TANK: variants seen among roughly 807,000 people sequenced by gnomAD.
TANK encodes the protein TRAF family member-associated NF-kappa-B activator.
TANK carries 15 observed loss-of-function variants against 43.6 expected under a neutral mutation model. The ratio of observed to expected loss-of-function variants is 0.34; its 90% confidence interval spans 0.23 to 0.53. TANK has a LOEUF of 0.53. Ranked by LOEUF, TANK falls within the 20% of genes least tolerant of loss-of-function variation. The probability of loss-of-function intolerance (pLI) is 0.94; values close to 1 mark genes in which losing one functional copy is unlikely to be tolerated. For missense variants in TANK, 417 were observed against 498.6 expected, an observed-to-expected ratio of 0.84 and a Z score of 1.56; for synonymous variants, 162 against 178.2, an observed-to-expected ratio of 0.91 and a Z score of 0.73.
intron 2 of TANK, among the ~76,000 whole-genome samples, chr2:161,189,324 A>G (rs1574008641): frequency 6.6e-6 from 1 of 152,328 alleles, no homozygotes; most frequent in South Asian, 2.1e-4. Context: ...CAGAAAAAGC[A>G]TTTGATAAAA....
intron 1 of TANK, among the ~76,000 whole-genome samples, chr2:161,152,796 A>G (rs534766414): frequency 5.9e-5 from 9 of 152,340 alleles, no homozygotes; most frequent in African/African-American, 1.4e-4. Context: ...AGGTCTAGAT[A>G]TTGGACTTAC....
chr2:161,148,608 C>G (rs993361446), intron 1 of TANK, among the ~76,000 whole-genome samples: 1 of 152,144 alleles, frequency 6.6e-6, no homozygotes, highest in African/African-American at 2.4e-5. Context: ...GTCATGATGA[C>G]TTACCCACTT....
chr2:161,211,088 C>G (rs758694324), intron 4 of TANK, among the ~76,000 whole-genome samples: 1 of 152,190 alleles, frequency 6.6e-6, no homozygotes, highest in Non-Finnish European at 1.5e-5. Flanking sequence ...AAAGTGCTTT[C>G]TACCTTTTTC....
upstream of TANK, chr2:161,156,346 G>T: frequency 1.0e-6 from 1 of 985,354 alleles, no homozygotes; most frequent in Non-Finnish European, 1.2e-6. Context: ...TGTCCTTACA[G>T]ACTTAACTTA....
chr2:161,148,057 G>T (rs1019982053), intron 1 of TANK, among the ~76,000 whole-genome samples: 3 of 152,126 alleles, frequency 2.0e-5, no homozygotes, highest in African/African-American at 7.2e-5. Flanking sequence ...GAATTCTGGG[G>T]TCATTTGGTA....
rs1687518607 is a variant in TANK, at chr2:161,224,612, T to A, written c.405-19T>A. 7.9e-7 allele frequency: 1 copy of A among 1,263,296 alleles called. No homozygotes were observed. Among genetic ancestry groups the A allele is most frequent in the African/African-American group, 1.5e-5 (1 of 65,752 alleles). The allele number at this position is 1,263,296 out of a possible 1,614,324, so 78.3% of individuals were successfully genotyped here. ...GAAGTTATAGCTTTACATTTTAAAA[T>A]GTTGATTTTTTTTTTTAGGGGTAAT... On this transcript the variant is annotated intron_variant, in intron 5 of 7. Coordinates refer to ENST00000392749, the MANE Select transcript of TANK (RefSeq NM_001199135.3).
intron 5 of TANK, among the ~76,000 whole-genome samples, 162 bp from the exon 6 acceptor site, chr2:161,224,469 C>T (rs1687507435): frequency 6.6e-6 from 1 of 151,966 alleles, no homozygotes; most frequent in Non-Finnish European, 1.5e-5. Flanking sequence ...CCTCTACAAA[C>T]ACAAGCTGAT....
At chr2:161,213,814 G>A (rs10930013) in intron 4 of TANK, among the ~76,000 whole-genome samples, 65,152 of 151,372 alleles carry the variant, frequency 0.43, 14,703 homozygotes, top group Admixed American at 0.55. Context: ...CTTTGATACT[G>A]CACTAAAACT....
intron 2 of TANK, chr2:161,200,630 A>G (rs1686361753): frequency 1.3e-6 from 1 of 782,864 alleles, no homozygotes; most frequent in Non-Finnish European, 1.5e-6. Context: ...ATCTTCAAAC[A>G]TTACCTATCT....
intron 1 of TANK, chr2:161,140,006 C>T: frequency 2.4e-6 from 2 of 819,840 alleles, no homozygotes; most frequent in Non-Finnish European, 2.9e-6. Flanking sequence ...TATTCATATT[C>T]AAAACTAGAA....
intron 4 of TANK, among the ~76,000 whole-genome samples, chr2:161,218,201 C>T (rs780935777): frequency 3.3e-5 from 5 of 152,146 alleles, no homozygotes; most frequent in Non-Finnish European, 7.3e-5. Flanking sequence ...TCCCCTCCCA[C>T]CCTGGGCAAT....
chr2:161,142,325 A>G (rs1482216753), intron 1 of TANK, among the ~76,000 whole-genome samples: 1 of 152,142 alleles, frequency 6.6e-6, no homozygotes, highest in Non-Finnish European at 1.5e-5. Flanking sequence ...ACTCTAGTTT[A>G]ATTAGATCTG....
intron 2 of TANK, among the ~76,000 whole-genome samples, chr2:161,200,792 C>CT (rs398038230): frequency 0.69 from 101,665 of 146,724 alleles, 36,121 homozygotes; most frequent in East Asian, 0.81. Flanking sequence ...TCTGATATTT[C>CT]TTTTTTTTTT....
intron 2 of TANK, among the ~76,000 whole-genome samples, chr2:161,196,524 A>G (rs955909924): frequency 2.0e-5 from 3 of 152,142 alleles, no homozygotes; most frequent in African/African-American, 2.4e-5. Flanking sequence ...TCTTAGCTCT[A>G]CTATCTACTG....
chr2:161,157,690 C>A (rs1684261941), upstream of TANK, among the ~76,000 whole-genome samples: 2 of 152,100 alleles, frequency 1.3e-5, 1 homozygote, highest in Non-Finnish European at 2.9e-5. Flanking sequence ...AACTAGGATT[C>A]AAAATATTTT....
At chr2:161,177,393 A>G (rs183661390) in intron 1 of TANK, among the ~76,000 whole-genome samples, 5 of 152,264 alleles carry the variant, frequency 3.3e-5, no homozygotes, top group East Asian at 1.9e-4. Flanking sequence ...GTTGTGATTT[A>G]TGATCAGTTG....
chr2:161,203,585 T>G lies in TANK; in HGVS notation c.198T>G (p.Asn66Lys), dbSNP rs1686514497. The change falls in exon 3 of 8, where the codon AAT becomes AAG. Residue 66 changes from asparagine (N) to lysine (K), a missense_variant. Coordinates refer to ENST00000392749, the MANE Select transcript of TANK (RefSeq NM_001199135.3). ...TAAAATCTCAGTTACTTCTTGTGAATTCCACTCAAGGTATGTTCATGTTAA... is the reference window on the plus strand; with the variant it reads ...TAAAATCTCAGTTACTTCTTGTGAAGTCCACTCAAGGTATGTTCATGTTAA... ...DKLKSQLLLVNSTQDNNYGCV... is the reference protein window; with the variant it reads ...DKLKSQLLLVKSTQDNNYGCV... 6.2e-7 allele frequency: 1 copy of G among 1,605,134 alleles called. No homozygotes were observed. Among genetic ancestry groups the G allele is most frequent in the Non-Finnish European group, 8.5e-7 (1 of 1,173,882 alleles).
chr2:161,204,890 C>T, intron 4 of TANK, 97 bp downstream of exon 4: 1 of 1,533,560 alleles, frequency 6.5e-7, no homozygotes, highest in Middle Eastern at 1.7e-4. Context: ...GAATTCCAAA[C>T]AGAAGTTCCA....
At chr2:161,217,590 T>TGA (rs1687173838) in intron 4 of TANK, among the ~76,000 whole-genome samples, 1 of 140,224 alleles carries the variant, frequency 7.1e-6, no homozygotes, top group African/African-American at 2.8e-5. Flanking sequence ...TTGGTTTGTG[T>TGA]GTGTGTGTGT....
Sources: allele counts gnomAD v4.1 joint callset (sites outside exome capture counted in the v4.1 genomes callset), GRCh38; gene constraint gnomAD v4.1.1; transcripts MANE v1.5; gene names NCBI Gene and HGNC (gene_info 2026-07-23, HGNC 2026-07-21).